Variants in ZRANB1 observed in about 807,000 individuals in gnomAD.
The protein encoded by ZRANB1 is zinc finger RANBP2-type containing 1.
A neutral mutation model predicts 80.5 loss-of-function variants in ZRANB1; 16 were observed. The ratio of observed to expected loss-of-function variants is 0.20; its 90% CI spans 0.13 to 0.30. The LOEUF is 0.30. ZRANB1 is among the 10% of genes least tolerant of loss of function. The probability of loss-of-function intolerance (pLI) is 1.00; values close to 1 mark genes in which losing one functional copy is unlikely to be tolerated. For synonymous variants in ZRANB1, 291 were observed against 293.1 expected (o/e 0.99, Z 0.07); for missense variants, 576 against 862.6 (o/e 0.67, Z 4.16).
At chr10:124,977,781 G>GA (rs1951892505) in intron 5 of ZRANB1, among the ~76,000 whole-genome samples, 1 of 150,348 alleles carries the variant, frequency 6.7e-6, no homozygotes, top group Non-Finnish European at 1.5e-5. Flanking sequence ...AAATAGGCTA[G>GA]ATAGGGAGTG....
intron 2 of ZRANB1, among the ~76,000 whole-genome samples, chr10:124,970,945 C>T (rs1473934075): frequency 2.9e-5 from 4 of 140,082 alleles, no homozygotes; most frequent in Non-Finnish European, 4.5e-5. Context: ...TCAAGTGATT[C>T]TCATGCCTCA....
At chr10:124,927,908 A>G in the ZRANB1 span, among the ~76,000 whole-genome samples, 1 of 152,190 alleles carries the variant, frequency 6.6e-6, no homozygotes, top group Non-Finnish European at 1.5e-5. Context: ...GTGGTGGCAC[A>G]TGCCCATAAT....
In ZRANB1 at chr10:124,984,933, A is replaced by G; in HGVS notation, c.2068A>G (p.Ile690Val). The G allele has an allele frequency of 6.2e-7, 1 of 1,614,012 alleles. No individual in the cohort carries two copies. Among genetic ancestry groups the G allele is most frequent in the Non-Finnish European group, 8.5e-7 (1 of 1,180,014 alleles). The change falls in exon 9 of 9, where the codon ATC (isoleucine) becomes GTC (valine). Residue 690 changes from isoleucine to valine, a missense_variant. Physicochemically the swap from Ile to Val is conservative, Grantham distance 29. This residue lies in a region of ZRANB1 where 152 missense variants were observed against 221.9 expected (regional missense o/e 0.69). Coordinates refer to ENST00000359653, the MANE Select transcript of ZRANB1 (RefSeq NM_017580.3). The stretch of plus-strand genomic sequence containing the variant: ...AAAATGGCTTGACCGCTACCGACAG[A>G]TCCGGCCGTGTACATCCCTGTCTGA... ...VEKWLDRYRQ[I>V]RPCTSLSDGE... is the part of the protein sequence containing the mutation.
In ZRANB1 at chr10:124,966,754, G is replaced by A. The variant is rs751253003; in HGVS notation, c.975G>A (p.Gln325=). The change falls in exon 2 of 9, where the codon CAG becomes CAA. Residue 325 remains glutamine, a synonymous_variant. Transcript: ENST00000359653. The stretch of plus-strand genomic sequence containing the variant: ...ACTTGGCTATACGTTTTCAGAGGCA[G>A]GATATGCTAGCAATATTGCTTACAG... ...LVHLAIRFQR[Q]DMLAILLTEV... The A allele has an allele frequency of 1.2e-5, 20 of 1,613,920 alleles. No homozygotes were observed. The highest frequency in any genetic ancestry group is 1.7e-5 in the Admixed American group (1 of 59,986).
chr10:124,928,657 G>T, the ZRANB1 span, among the ~76,000 whole-genome samples: 3 of 152,154 alleles, frequency 2.0e-5, no homozygotes, highest in African/African-American at 7.2e-5. Flanking sequence ...AAACGTATAC[G>T]AAATGTTGGG....
the ZRANB1 span, among the ~76,000 whole-genome samples, chr10:124,923,010 C>T: frequency 7.2e-5 from 11 of 152,088 alleles, no homozygotes; most frequent in African/African-American, 9.6e-5. Context: ...AACTATCAGC[C>T]GGGCGCAGTG....
intron 1 of ZRANB1, among the ~76,000 whole-genome samples, chr10:124,960,671 T>A (rs1419842728): frequency 2.0e-5 from 3 of 152,178 alleles, no homozygotes; most frequent in Non-Finnish European, 4.4e-5. Context: ...TTCTCCTGCC[T>A]TGGCCTCCCA....
At chr10:124,918,080 T>C in the ZRANB1 span, among the ~76,000 whole-genome samples, 585 of 152,336 alleles carry the variant, frequency 3.8e-3, no homozygotes, top group Middle Eastern at 6.8e-3. Flanking sequence ...CTCCGTAGAC[T>C]ATCGATTTAA....
intron 1 of ZRANB1, among the ~76,000 whole-genome samples, chr10:124,958,435 C>T (rs1373586380): frequency 6.6e-6 from 1 of 152,030 alleles, no homozygotes; most frequent in African/African-American, 2.4e-5. Flanking sequence ...AGACTATATG[C>T]ATTGTAGACT....
intron 3 of ZRANB1, among the ~76,000 whole-genome samples, chr10:124,973,092 A>C (rs1054367051): frequency 6.6e-6 from 1 of 152,196 alleles, no homozygotes; most frequent in Non-Finnish European, 1.5e-5. Flanking sequence ...GTTTCATTTG[A>C]AATGCACTTG....
chr10:124,978,047 A>T (rs1224212633), intron 5 of ZRANB1, among the ~76,000 whole-genome samples: 1 of 152,116 alleles, frequency 6.6e-6, no homozygotes, highest in Non-Finnish European at 1.5e-5. Flanking sequence ...TCACACAGAC[A>T]TCCTTACAGT....
chr10:124,919,598 T>TTCC, the ZRANB1 span, among the ~76,000 whole-genome samples: 4 of 150,570 alleles, frequency 2.7e-5, no homozygotes, highest in African/African-American at 4.9e-5. Context: ...TTTTTTTTTT[T>TTCC]TCCTCCTCCT....
chr10:124,935,152 G>A, the ZRANB1 span, among the ~76,000 whole-genome samples: 1 of 152,184 alleles, frequency 6.6e-6, no homozygotes, highest in Non-Finnish European at 1.5e-5. Flanking sequence ...TTTTAATGGG[G>A]CTAGAATGTG....
At chr10:124,932,694 G>C in the ZRANB1 span, among the ~76,000 whole-genome samples, 7 of 151,384 alleles carry the variant, frequency 4.6e-5, no homozygotes, top group Non-Finnish European at 8.8e-5. Flanking sequence ...GTATCTAATT[G>C]TTTTAATTTG....
intron 1 of ZRANB1, among the ~76,000 whole-genome samples, chr10:124,957,533 A>C (rs1275635110): frequency 6.6e-6 from 1 of 152,144 alleles, no homozygotes; most frequent in Non-Finnish European, 1.5e-5. Flanking sequence ...TGGAAAACTG[A>C]AACTCTGTAT....
Position 124,986,605 on chromosome 10 carries a change from T to C in ZRANB1, c.*1613T>C, listed in dbSNP as rs963068900. On this transcript the variant is annotated 3_prime_UTR_variant, in exon 9 of 9. Coordinates refer to ENST00000359653, the MANE Select transcript of ZRANB1 (RefSeq NM_017580.3). ...ATTCTGTAGAAATGAATCTTTGATA[T>C]AATGTAAATGCTGCTGTTTGTTTCA... 1.3e-5 allele frequency: 2 copies of C among 152,196 alleles called. No individual in the cohort carries two copies. The highest frequency in any genetic ancestry group is 4.8e-5 in the African/African-American group (2 of 41,446). 9.4% of individuals were successfully genotyped at this position (152,196 alleles called of 1,614,324 possible). A position where few individuals can be genotyped will look rare whatever the true frequency, so the allele number is the denominator to read the frequency against.
the ZRANB1 span, among the ~76,000 whole-genome samples, chr10:124,924,297 TAAA>T: frequency 2.2e-5 from 3 of 137,054 alleles, no homozygotes; most frequent in South Asian, 2.3e-4. Flanking sequence ...CAGTTTTTTC[TAAA>T]AAAAAAAAAA....
chr10:124,938,025 A>G (rs1353993874), upstream of ZRANB1, among the ~76,000 whole-genome samples: 7 of 152,232 alleles, frequency 4.6e-5, no homozygotes, highest in Admixed American at 3.9e-4. Flanking sequence ...AGAATTTGCA[A>G]ATCTGCTTTG....
chr10:124,927,263 C>T, the ZRANB1 span, among the ~76,000 whole-genome samples: 1 of 152,186 alleles, frequency 6.6e-6, no homozygotes, highest in Admixed American at 6.5e-5. Flanking sequence ...CCCTGTAATT[C>T]TCAACTGTAA....
Sources: allele counts gnomAD v4.1 joint callset (sites outside exome capture counted in the v4.1 genomes callset), GRCh38; gene constraint gnomAD v4.1.1; regional missense constraint gnomAD v4.1.1; transcripts MANE v1.5; gene names NCBI Gene and HGNC (gene_info 2026-07-23, HGNC 2026-07-21).